DLG2: variants seen among roughly 807,000 people sequenced by gnomAD.
DLG2 encodes the protein disks large homolog 2.
A neutral mutation model predicts 132.5 loss-of-function variants in DLG2; 45 were observed. The observed-to-expected ratio is 0.34, with a 90% CI of 0.27 to 0.44. The LOEUF (loss-of-function observed/expected upper bound fraction) is 0.44, where lower values mean the gene tolerates loss of function less well. Ranked by LOEUF, DLG2 falls within the 20% of genes least tolerant of loss-of-function variation. The pLI, the probability that DLG2 is intolerant of heterozygous loss-of-function variation, is 1.00. For synonymous variants in DLG2, 424 were observed against 419.6 expected (o/e 1.01, Z -0.13); for missense variants, 1,045 against 1,196.9 (o/e 0.87, Z 1.87).
intron 16 of DLG2, among the ~76,000 whole-genome samples, chr11:83,850,307 C>A (rs934341918): frequency 6.6e-6 from 1 of 152,082 alleles, no homozygotes; most frequent in Non-Finnish European, 1.5e-5. Flanking sequence ...GCATGTGCCA[C>A]CACTCCCGGC....
intron 11 of DLG2, among the ~76,000 whole-genome samples, chr11:84,020,073 G>A (rs910541789): frequency 2.0e-5 from 3 of 152,074 alleles, no homozygotes; most frequent in African/African-American, 7.2e-5. Flanking sequence ...AGGACTAGAG[G>A]TGGCCAGGAG....
At chr11:84,763,076 A>G (rs1394173133) in intron 6 of DLG2, among the ~76,000 whole-genome samples, 1 of 152,168 alleles carries the variant, frequency 6.6e-6, no homozygotes. Context: ...TTATTTGACC[A>G]ATTTATTTGG....
intron 6 of DLG2, among the ~76,000 whole-genome samples, chr11:84,763,048 T>C (rs2067866252): frequency 6.6e-6 from 1 of 152,206 alleles, no homozygotes; most frequent in Non-Finnish European, 1.5e-5. Context: ...CTCCCCATTA[T>C]GACTTGTGCC....
chr11:83,873,532 A>G (rs186253546), intron 16 of DLG2, among the ~76,000 whole-genome samples: 10 of 152,252 alleles, frequency 6.6e-5, no homozygotes, highest in Admixed American at 3.3e-4. Context: ...GCCTTTTGCC[A>G]TCTGCCATGA....
At chr11:83,657,982 C>T (rs187845483) in intron 18 of DLG2, among the ~76,000 whole-genome samples, 253 of 152,296 alleles carry the variant, frequency 1.7e-3, no homozygotes, top group Middle Eastern at 0.01. Context: ...GGAAGGAAGA[C>T]ATGGCTCTGC....
chr11:84,449,991 A>G (rs1434090768), intron 7 of DLG2, among the ~76,000 whole-genome samples: 1 of 151,898 alleles, frequency 6.6e-6, no homozygotes, highest in African/African-American at 2.4e-5. Flanking sequence ...TCCATCTACC[A>G]TCTTATGTAT....
intron 11 of DLG2, among the ~76,000 whole-genome samples, chr11:84,034,594 A>C (rs71469615): frequency 6.6e-6 from 1 of 152,138 alleles, no homozygotes; most frequent in Non-Finnish European, 1.5e-5. Context: ...TCTTGCCTCA[A>C]TATGATTTAG....
At chr11:84,694,951 T>A (rs1056258506) in intron 6 of DLG2, among the ~76,000 whole-genome samples, 1 of 151,608 alleles carries the variant, frequency 6.6e-6, no homozygotes, top group Non-Finnish European at 1.5e-5. Flanking sequence ...ACAGTTAACA[T>A]GTAAAAAGTG....
chr11:85,393,891 C>T (rs1474824672), intron 3 of DLG2, among the ~76,000 whole-genome samples: 3 of 152,020 alleles, frequency 2.0e-5, no homozygotes, highest in South Asian at 4.1e-4. Flanking sequence ...ATACGATGGA[C>T]ATTGGGGACT....
At chr11:84,786,695 A>G (rs1360286121) in intron 6 of DLG2, among the ~76,000 whole-genome samples, 1 of 152,134 alleles carries the variant, frequency 6.6e-6, no homozygotes, top group African/African-American at 2.4e-5. Context: ...CATTCCACCC[A>G]TTGATAAGAG....
At chr11:84,696,039 T>C (rs1476309833) in intron 6 of DLG2, among the ~76,000 whole-genome samples, 4 of 151,550 alleles carry the variant, frequency 2.6e-5, no homozygotes, top group Non-Finnish European at 5.9e-5. Context: ...TTAACAATTG[T>C]CTTTCATGGT....
chr11:84,929,139 G>A (rs1220351880), intron 6 of DLG2, among the ~76,000 whole-genome samples: 1 of 150,010 alleles, frequency 6.7e-6, no homozygotes, highest in Non-Finnish European at 1.5e-5. Context: ...CCATCCCCTG[G>A]TGTCCAGTGA....
At chr11:84,606,987 T>G (rs2099586948) in intron 6 of DLG2, among the ~76,000 whole-genome samples, 1 of 152,168 alleles carries the variant, frequency 6.6e-6, no homozygotes, top group Non-Finnish European at 1.5e-5. Context: ...TGTTTCTAAA[T>G]CATTTCTACT....
intron 6 of DLG2, among the ~76,000 whole-genome samples, chr11:84,991,242 G>C (rs1184259743): frequency 1.3e-5 from 2 of 152,192 alleles, no homozygotes; most frequent in African/African-American, 2.4e-5. Flanking sequence ...GGGCATAGTG[G>C]CCAGTGCCTG....
intron 19 of DLG2, among the ~76,000 whole-genome samples, chr11:83,612,882 C>T (rs919968649): frequency 6.6e-6 from 1 of 152,088 alleles, no homozygotes; most frequent in Admixed American, 6.6e-5. Flanking sequence ...TAGAGGTAGG[C>T]AGAGTCCAAG....
intron 6 of DLG2, among the ~76,000 whole-genome samples, chr11:84,692,292 G>A (rs1005004388): frequency 1.3e-4 from 20 of 151,588 alleles, no homozygotes; most frequent in African/African-American, 4.6e-4. Flanking sequence ...ACCTTTTCAA[G>A]CTATAAAATT....
chr11:83,479,375 G>T (rs1015929957), intron 22 of DLG2, among the ~76,000 whole-genome samples: 12 of 51,376 alleles, frequency 2.3e-4, no homozygotes, highest in African/African-American at 1.1e-3. Flanking sequence ...ATGCTATAAC[G>T]GGGGGGGGAA....
intron 19 of DLG2, among the ~76,000 whole-genome samples, chr11:83,586,918 T>C (rs1445375400): frequency 6.6e-6 from 1 of 152,184 alleles, no homozygotes; most frequent in East Asian, 1.9e-4. Flanking sequence ...AAAATCGAAG[T>C]TGGTAGCAGA....
intron 3 of DLG2, among the ~76,000 whole-genome samples, chr11:85,563,054 TGTGG>T (rs946848680): frequency 2.6e-5 from 4 of 151,674 alleles, no homozygotes; most frequent in African/African-American, 7.2e-5. Flanking sequence ...GAGCACCTGT[TGTGG>T]GTATTAAAAG....
Sources: gnomAD v4.1 joint callset for allele counts (sites outside exome capture counted in the v4.1 genomes callset) on GRCh38, gnomAD v4.1.1 for gene constraint, MANE v1.5 for transcripts, NCBI Gene and HGNC (gene_info 2026-07-23, HGNC 2026-07-21) for gene names.